Variants in DKK4 observed in about 807,000 individuals in gnomAD.
DKK4 encodes the protein dickkopf Wnt signaling pathway inhibitor 4, also known as dickkopf-related protein 4.
In DKK4, 15 loss-of-function variants were observed where a neutral mutation model predicts 14.5. The ratio of observed to expected loss-of-function variants is 1.03; its 90% CI spans 0.69 to 1.59. DKK4 has a LOEUF of 1.59. Among genes scored for constraint, DKK4 ranks in the 40% most tolerant of loss-of-function variants. The pLI, the probability that DKK4 is intolerant of heterozygous loss-of-function variation, is 0.00. For missense variants in DKK4, 272 were observed against 280.3 expected (o/e 0.97, Z 0.21); for synonymous variants, 89 against 105.2 (o/e 0.85, Z 0.94).
chr8:42,376,462 CTCTGTGAAGT>C (rs1160035082), intron 1 of DKK4, among the ~76,000 whole-genome samples: 1 of 152,176 alleles, frequency 6.6e-6, no homozygotes, highest in African/African-American at 2.4e-5. Flanking sequence ...AAACAACTCT[CTCTGTGAAGT>C]TAGATGGTGA....
At chr8:42,383,046 C>T in the DKK4 span, among the ~76,000 whole-genome samples, 1 of 152,170 alleles carries the variant, frequency 6.6e-6, no homozygotes. Context: ...TTTTGCTTTC[C>T]TTAAAACAAA....
At chr8:42,387,338 G>A in the DKK4 span, among the ~76,000 whole-genome samples, 2 of 139,468 alleles carry the variant, frequency 1.4e-5, no homozygotes, top group Non-Finnish European at 3.1e-5. Context: ...GGTGGTGAAG[G>A]CCAGTCTTTT....
At chr8:42,374,673 G>A in intron 3 of DKK4, 88 bp downstream of exon 3, 1 of 1,537,656 alleles carries the variant, frequency 6.5e-7, no homozygotes, top group African/African-American at 1.4e-5. Context: ...GGATGGAGAA[G>A]AATAAAATCA....
chr8:42,376,015 G>T (rs1824555140), intron 1 of DKK4, among the ~76,000 whole-genome samples, 185 bp from the exon 2 acceptor site: 1 of 152,226 alleles, frequency 6.6e-6, no homozygotes, highest in African/African-American at 2.4e-5. Flanking sequence ...CACCCGGGGA[G>T]ACCTAGGCGC....
upstream of DKK4, among the ~76,000 whole-genome samples, chr8:42,381,257 G>T (rs920320222): frequency 1.3e-5 from 2 of 152,134 alleles, no homozygotes; most frequent in African/African-American, 4.8e-5. Flanking sequence ...CACTGGGTGG[G>T]TAGAGGTGGG....
chr8:42,384,293 G>A, the DKK4 span, among the ~76,000 whole-genome samples: 1 of 152,164 alleles, frequency 6.6e-6, no homozygotes, highest in Non-Finnish European at 1.5e-5. Context: ...ATAGGTGCAT[G>A]CCACCGCAAC....
At chr8:42,379,926 C>T (rs79301061), upstream of DKK4, among the ~76,000 whole-genome samples, 8 of 152,232 alleles carry the variant, frequency 5.3e-5, no homozygotes, top group East Asian at 3.9e-4. Context: ...TGCCATGATC[C>T]GCTGGGTGCA....
chr8:42,383,484 C>G, the DKK4 span, among the ~76,000 whole-genome samples: 1 of 152,246 alleles, frequency 6.6e-6, no homozygotes, highest in African/African-American at 2.4e-5. Context: ...ACGTGGCCCA[C>G]GCCTTTGGAG....
intron 1 of DKK4, 26 bp from the exon 2 acceptor site, chr8:42,375,856 G>A (rs1306921940): frequency 1.2e-6 from 2 of 1,611,586 alleles, no homozygotes; most frequent in African/African-American, 2.7e-5. Context: ...GTTATCACAA[G>A]GCTAGGAAAC....
At position 42,377,054 on chromosome 8, in the gene DKK4, C is replaced by G. The variant is rs767935599; in HGVS notation, c.-9G>C. 1.9e-6 allele frequency: 3 copies of G among 1,610,796 alleles called. No individual in the cohort carries two copies. In the African/African-American group the frequency reaches 4.0e-5, roughly 22 times the overall value. Reference sequence around the variant, plus strand: ...AGGACGGCCGCCACCATCCTTCAATCCCGGGGCTCCTGGAGGGTCCCAGCA... The same window carrying G: ...AGGACGGCCGCCACCATCCTTCAATGCCGGGGCTCCTGGAGGGTCCCAGCA... On this transcript the variant is annotated 5_prime_UTR_variant, in exon 1 of 4. Transcript: ENST00000220812.
At chr8:42,390,571 G>T in the DKK4 span, among the ~76,000 whole-genome samples, 1 of 151,194 alleles carries the variant, frequency 6.6e-6, no homozygotes, top group Non-Finnish European at 1.5e-5. Context: ...CACTGTGTTA[G>T]CCAGGATGGT....
At chr8:42,377,318 A>G (rs759250702), upstream of DKK4, 1 of 398,722 alleles carries the variant, frequency 2.5e-6, no homozygotes, top group Non-Finnish European at 4.5e-6. Context: ...AGGCTTCAAC[A>G]AATCCCTTCA....
At chr8:42,386,231 A>G in the DKK4 span, among the ~76,000 whole-genome samples, 2 of 152,132 alleles carry the variant, frequency 1.3e-5, no homozygotes, top group Non-Finnish European at 2.9e-5. Context: ...CTGGGGATAT[A>G]GGTGTGCACC....
At chr8:42,374,645 G>T (rs1029766364) in intron 3 of DKK4, 116 bp downstream of exon 3, 9 of 1,425,382 alleles carry the variant, frequency 6.3e-6, no homozygotes, top group Non-Finnish European at 7.7e-6. Flanking sequence ...AACAGCACAT[G>T]CTTCCTAAGT....
At chr8:42,388,808 A>T in the DKK4 span, among the ~76,000 whole-genome samples, 1 of 152,160 alleles carries the variant, frequency 6.6e-6, no homozygotes, top group Non-Finnish European at 1.5e-5. Flanking sequence ...TGGCCTTGTG[A>T]TCTGCCTGCC....
chr8:42,384,388 C>T, the DKK4 span, among the ~76,000 whole-genome samples: 1 of 152,152 alleles, frequency 6.6e-6, no homozygotes, highest in Admixed American at 6.5e-5. Context: ...AGCGATCCTC[C>T]CACCTTGGCC....
rs149096836 is a variant in DKK4 at position 42,374,392 on chromosome 8, A to C, written c.416-33T>G. 5.2e-4 allele frequency: 830 copies of C among 1,609,006 alleles called. 5 individuals are homozygous for C. The African/African-American group carries it at 9.4e-3, about 18-fold the overall frequency. On this transcript the variant is annotated intron_variant, in intron 3 of 3. Transcript: ENST00000220812. Reference sequence around the variant, plus strand: ...AAGGTTAATGTGGGCTTTAGTGATAAATAAGGAAAGTGGCCTGCTGGGGGT... The same window carrying C: ...AAGGTTAATGTGGGCTTTAGTGATACATAAGGAAAGTGGCCTGCTGGGGGT...
rs974374331 is a variant in DKK4, at chr8:42,374,708, G to A, written c.415+53C>T. The A allele has an allele frequency of 1.9e-6, 3 of 1,606,530 alleles. No individual in the cohort carries two copies. The African/African-American group carries it at 4.0e-5, about 21-fold the overall frequency. ...AGTCTCACCCTATCCTTAAGAGGCTGGGAGGAGAAAATGCATTTCTGAAAT... is the reference window on the plus strand; with the variant it reads ...AGTCTCACCCTATCCTTAAGAGGCTAGGAGGAGAAAATGCATTTCTGAAAT... On this transcript the variant is annotated intron_variant, in intron 3 of 3. Coordinates refer to ENST00000220812, the MANE Select transcript of DKK4 (RefSeq NM_014420.3).
At chr8:42,387,362 T>G in the DKK4 span, among the ~76,000 whole-genome samples, 3 of 132,800 alleles carry the variant, frequency 2.3e-5, no homozygotes, top group Non-Finnish European at 3.2e-5. Context: ...TTTTTTTTTT[T>G]TTTTTTTTTT....
Sources: gnomAD v4.1 joint callset for allele counts (sites outside exome capture counted in the v4.1 genomes callset) on GRCh38, gnomAD v4.1.1 for gene constraint, MANE v1.5 for transcripts, NCBI Gene and HGNC (gene_info 2026-07-23, HGNC 2026-07-21) for gene names.